The following M1AP variants were observed in gnomAD, a reference collection of about 807,000 sequenced individuals.
The protein encoded by M1AP is meiosis 1 arrest protein.
M1AP carries 39 observed loss-of-function variants against 51.2 expected under a neutral mutation model. The ratio of observed to expected loss-of-function variants is 0.76; its 90% CI spans 0.59 to 1.00. M1AP has a LOEUF of 1.00. Ranked by LOEUF, M1AP falls within the 50% of genes least tolerant of loss-of-function variation. The pLI, the probability that M1AP is intolerant of heterozygous loss-of-function variation, is 0.00. For synonymous variants in M1AP, 251 were observed against 249.2 expected (o/e 1.01, Z -0.07); for missense variants, 545 against 641.2 (o/e 0.85, Z 1.62).
Position 74,575,489 on chromosome 2 carries a change from A to T in M1AP, c.1023T>A (p.Asp341Glu). 6.2e-7 allele frequency: 1 copy of T among 1,614,180 alleles called. No individual in the cohort carries two copies. Among genetic ancestry groups the T allele is most frequent in the Non-Finnish European group, 8.5e-7 (1 of 1,180,030 alleles). The change falls in exon 7 of 11, where the codon GAT becomes GAA. Residue 341 changes from aspartate to glutamate, a missense_variant. Coordinates refer to ENST00000421985, the MANE Select transcript of M1AP (RefSeq NM_001321739.2). ...AATGTTGCTGATTTGTCTCCAGCTC[A>T]TCCCAGTCCAGCTGCCAACAGCTTG... ...RPTSCWQLDW[D>E]ELETNQQHFH...
intron 4 of M1AP, among the ~76,000 whole-genome samples, chr2:74,586,545 T>C (rs1432861928): frequency 6.6e-6 from 1 of 152,214 alleles, no homozygotes; most frequent in Non-Finnish European, 1.5e-5. Flanking sequence ...CTTAACTATA[T>C]CCTCCCTTAT....
At chr2:74,608,584 C>T (rs1681150510) in intron 3 of M1AP, among the ~76,000 whole-genome samples, 1 of 152,220 alleles carries the variant, frequency 6.6e-6, no homozygotes, top group East Asian at 1.9e-4. Flanking sequence ...GTTTTCAACT[C>T]CTTTGGGTAA....
At chr2:74,631,777 A>C (rs561647436) in intron 2 of M1AP, among the ~76,000 whole-genome samples, 6 of 152,310 alleles carry the variant, frequency 3.9e-5, no homozygotes, top group African/African-American at 1.4e-4. Context: ...AAGGAATTTT[A>C]ATATTAATTA....
At chr2:74,575,141 A>G (rs1678980992) in intron 7 of M1AP, 1 of 213,192 alleles carries the variant, frequency 4.7e-6, no homozygotes, top group South Asian at 1.6e-4. Flanking sequence ...GGAAGGAAGT[A>G]GGTTTTAAAA....
Position 74,562,343 on chromosome 2 carries a change from A to T in M1AP, c.1155T>A (p.Tyr385Ter), listed in dbSNP as rs767262447. Reference sequence around the variant, plus strand: ...TGAGGGAGTGTGACGGCATGATCACATAGAAGGTGCTGGCAGGAATTCTCT... The same window carrying T: ...TGAGGGAGTGTGACGGCATGATCACTTAGAAGGTGCTGGCAGGAATTCTCT... The part of the protein sequence containing the change: ...HSQRIPASTF[Y>*]VIMPSHSLTL... The change falls in exon 8 of 11, where the codon TAT becomes TAA. Residue 385 changes from tyrosine (Y) to a stop codon, truncating the protein, a stop_gained. Transcript: ENST00000421985. LOFTEE classifies it high-confidence loss of function. 4 of 1,614,228 alleles carry T rather than the reference A, an allele frequency of 2.5e-6. No individual in the cohort carries two copies. The highest frequency in any genetic ancestry group is 2.5e-6 in the Non-Finnish European group (3 of 1,180,038).
chr2:74,582,799 T>C (rs574735254), intron 4 of M1AP, among the ~76,000 whole-genome samples: 10 of 152,248 alleles, frequency 6.6e-5, no homozygotes, highest in Admixed American at 4.6e-4. Context: ...GGTGGGTGGA[T>C]CACTTGAGCT....
intron 2 of M1AP, among the ~76,000 whole-genome samples, chr2:74,623,300 T>TCA (rs933185138): frequency 2.0e-5 from 3 of 152,010 alleles, no homozygotes; most frequent in African/African-American, 7.3e-5. Context: ...GCTCAAGAGT[T>TCA]CAAGACCAGC....
chr2:74,636,242 A>T (rs544381684), intron 2 of M1AP, among the ~76,000 whole-genome samples: 142 of 151,714 alleles, frequency 9.4e-4, no homozygotes, highest in Non-Finnish European at 1.4e-3. Flanking sequence ...TTTGATCCGA[A>T]ATCTGTTTCA....
chr2:74,562,515 G>T, intron 7 of M1AP, 92 bp from the exon 8 acceptor site: 2 of 1,432,658 alleles, frequency 1.4e-6, no homozygotes, highest in South Asian at 1.3e-5. Flanking sequence ...TGACTTCCAG[G>T]GGTGCTGAGG....
intron 4 of M1AP, among the ~76,000 whole-genome samples, chr2:74,602,892 A>T (rs1680753566): frequency 6.6e-6 from 1 of 152,218 alleles, no homozygotes. Context: ...AATGCTAGCC[A>T]CTAACTATTC....
chr2:74,561,518 C>T (rs966011897), intron 8 of M1AP, among the ~76,000 whole-genome samples: 7 of 152,222 alleles, frequency 4.6e-5, no homozygotes, highest in Non-Finnish European at 1.0e-4. Flanking sequence ...AGAGACCCAA[C>T]CACAGACACA....
intron 8 of M1AP, 152 bp downstream of exon 8, chr2:74,562,065 A>G (rs1678052647): frequency 7.1e-7 from 1 of 1,410,078 alleles, no homozygotes; most frequent in African/African-American, 1.4e-5. Flanking sequence ...TTCTTCTGGC[A>G]TAATTGCCTA....
chr2:74,561,910 C>T (rs778988602), intron 8 of M1AP: 10 of 985,344 alleles, frequency 1.0e-5, no homozygotes, highest in African/African-American at 8.7e-5. Context: ...GTGTGCATGT[C>T]GTGTGTCCTC....
chr2:74,586,258 T>C (rs1679701721), intron 4 of M1AP, among the ~76,000 whole-genome samples: 1 of 152,260 alleles, frequency 6.6e-6, no homozygotes, highest in South Asian at 2.1e-4. Flanking sequence ...ATCTCTCCCA[T>C]TTAAATGTAA....
At chr2:74,581,058 T>C (rs567336876) in intron 5 of M1AP, among the ~76,000 whole-genome samples, 74 of 152,256 alleles carry the variant, frequency 4.9e-4, no homozygotes, top group Middle Eastern at 3.4e-3. Context: ...GAATGAAGTA[T>C]AATTGCCAGG....
intron 7 of M1AP, among the ~76,000 whole-genome samples, chr2:74,563,601 A>G (rs1363692673): frequency 1.3e-5 from 2 of 150,108 alleles, no homozygotes; most frequent in African/African-American, 4.9e-5. Flanking sequence ...CTCTGTCTCA[A>G]AACATAAAAA....
At chr2:74,578,548 A>C (rs1052457581) in intron 5 of M1AP, among the ~76,000 whole-genome samples, 3 of 152,168 alleles carry the variant, frequency 2.0e-5, no homozygotes, top group East Asian at 3.8e-4. Flanking sequence ...AGTGTCCCAA[A>C]GCTGGGAAAG....
intron 1 of M1AP, chr2:74,648,042 TC>T: frequency 2.0e-6 from 2 of 985,460 alleles, no homozygotes; most frequent in Non-Finnish European, 2.4e-6. Flanking sequence ...GGGCCCAGAC[TC>T]CGCGCAGGCC....
At chr2:74,573,385 C>T (rs576958302) in intron 7 of M1AP, among the ~76,000 whole-genome samples, 2 of 151,944 alleles carry the variant, frequency 1.3e-5, no homozygotes, top group South Asian at 4.2e-4. Flanking sequence ...CAGGGTCTTG[C>T]TCTGTCGCCC....
Sources: gnomAD v4.1 joint callset for allele counts (sites outside exome capture counted in the v4.1 genomes callset) on GRCh38, gnomAD v4.1.1 for gene constraint, MANE v1.5 for transcripts, NCBI Gene and HGNC (gene_info 2026-07-23, HGNC 2026-07-21) for gene names.